HBS1L: variants seen among roughly 807,000 people sequenced by gnomAD.
The protein encoded by HBS1L is HBS1-like protein.
HBS1L carries 55 observed loss-of-function variants against 88.9 expected under a neutral mutation model. The observed-to-expected ratio is 0.62, with a 90% CI of 0.50 to 0.77. The LOEUF (loss-of-function observed/expected upper bound fraction) is 0.77, where lower values mean the gene tolerates loss of function less well. HBS1L is among the 30% of genes least tolerant of loss of function. The probability of loss-of-function intolerance (pLI) is 0.00; values close to 1 mark genes in which losing one functional copy is unlikely to be tolerated. For synonymous variants in HBS1L, 267 were observed against 288.5 expected, an observed-to-expected ratio of 0.93 and a Z score of 0.76; for missense variants, 741 against 829.3, an observed-to-expected ratio of 0.89 and a Z score of 1.31.
chr6:135,022,035 C>A (rs1776085816), intron 4 of HBS1L, among the ~76,000 whole-genome samples: 1 of 152,112 alleles, frequency 6.6e-6, no homozygotes, highest in Admixed American at 6.5e-5. Flanking sequence ...GACCTAGCCC[C>A]TTACGAGCTA....
chr6:135,037,785 T>C (rs1776604879), intron 4 of HBS1L: 3 of 1,549,108 alleles, frequency 1.9e-6, no homozygotes, highest in Non-Finnish European at 2.6e-6. Flanking sequence ...TTAGGTTAGC[T>C]AGTGAAAGTT....
chr6:135,043,178 C>T (rs1367271643), intron 2 of HBS1L, among the ~76,000 whole-genome samples: 2 of 152,232 alleles, frequency 1.3e-5, no homozygotes, highest in Admixed American at 6.5e-5. Flanking sequence ...AGTACTAATG[C>T]TTCCAGCTCT....
At chr6:134,998,676 A>G (rs1179785159) in intron 5 of HBS1L, among the ~76,000 whole-genome samples, 2 of 152,232 alleles carry the variant, frequency 1.3e-5, no homozygotes, top group Non-Finnish European at 2.9e-5. Flanking sequence ...CTTGCCTATT[A>G]TAACAAAAAA....
At chr6:135,028,522 CTG>C (rs1776299560) in intron 4 of HBS1L, among the ~76,000 whole-genome samples, 1 of 152,128 alleles carries the variant, frequency 6.6e-6, no homozygotes, top group East Asian at 1.9e-4. Flanking sequence ...TTCAATGCTA[CTG>C]AATTATTTGA....
intron 14 of HBS1L, 74 bp downstream of exon 14, chr6:134,979,104 T>C (rs943756257): frequency 9.8e-7 from 1 of 1,021,200 alleles, no homozygotes; most frequent in African/African-American, 1.6e-5. Context: ...AACTAGCAGG[T>C]TGCAAAATAT....
intron 13 of HBS1L, among the ~76,000 whole-genome samples, chr6:134,980,030 G>A (rs1774781973): frequency 6.6e-6 from 1 of 151,890 alleles, no homozygotes; most frequent in African/African-American, 2.4e-5. Flanking sequence ...TTACTCAAAG[G>A]CTTTTAAAAT....
chr6:135,052,674 T>C (rs1777125357), intron 1 of HBS1L, among the ~76,000 whole-genome samples: 1 of 152,066 alleles, frequency 6.6e-6, no homozygotes, highest in Admixed American at 6.5e-5. Context: ...CATATAAAGA[T>C]GAAGAGAATT....
intron 4 of HBS1L, among the ~76,000 whole-genome samples, chr6:135,008,173 A>C (rs189176326): frequency 1.3e-5 from 2 of 152,346 alleles, no homozygotes; most frequent in Admixed American, 1.3e-4. Context: ...CAAAAGATAC[A>C]TATTCTGAAA....
intron 7 of HBS1L, among the ~76,000 whole-genome samples, chr6:134,994,726 C>A (rs1323276111): frequency 6.6e-6 from 1 of 152,068 alleles, no homozygotes; most frequent in Non-Finnish European, 1.5e-5. Context: ...CATGTCAGCA[C>A]TCAAAAAGTT....
intron 4 of HBS1L, among the ~76,000 whole-genome samples, chr6:135,007,336 C>T (rs967455295): frequency 6.6e-6 from 1 of 151,954 alleles, no homozygotes; most frequent in Non-Finnish European, 1.5e-5. Context: ...AGTCAGGTAC[C>T]CCTTTTAAAA....
At position 135,039,560 on chromosome 6, in the gene HBS1L, A is replaced by G; in HGVS notation, c.430+13T>C. The G allele has an allele frequency of 3.1e-6, 5 of 1,608,262 alleles. No individual in the cohort carries two copies. The highest frequency in any genetic ancestry group is 4.3e-6 in the Non-Finnish European group (5 of 1,176,266). ...TATGTAAAACAAGTGAAAAAGAACA[A>G]GTAAAGGCATACCTTTTGCTATCTT... On this transcript the variant is annotated intron_variant, in intron 4 of 17. Transcript: ENST00000367837.
chr6:135,005,556 G>A (rs2114823104), intron 4 of HBS1L, among the ~76,000 whole-genome samples: 1 of 152,306 alleles, frequency 6.6e-6, no homozygotes, highest in South Asian at 2.1e-4. Context: ...TCATTTGTAT[G>A]AAAATGATTC....
chr6:135,021,282 TC>T (rs1420124969), intron 4 of HBS1L, among the ~76,000 whole-genome samples: 1 of 152,122 alleles, frequency 6.6e-6, no homozygotes, highest in Non-Finnish European at 1.5e-5. Flanking sequence ...AATTCTAGAT[TC>T]CATAGGATTA....
At chr6:135,003,980 T>C (rs569907465) in intron 4 of HBS1L, among the ~76,000 whole-genome samples, 7 of 152,304 alleles carry the variant, frequency 4.6e-5, no homozygotes, top group South Asian at 2.1e-4. Context: ...ACATAATTCA[T>C]TGAACTTTTA....
At chr6:134,966,004 T>C (rs930109421) in intron 17 of HBS1L, among the ~76,000 whole-genome samples, 2 of 152,146 alleles carry the variant, frequency 1.3e-5, no homozygotes, top group African/African-American at 2.4e-5. Context: ...ATTATGATAG[T>C]GTAGAAGAAA....
At chr6:134,991,592 G>C (rs1338292990) in intron 8 of HBS1L, among the ~76,000 whole-genome samples, 1 of 152,012 alleles carries the variant, frequency 6.6e-6, no homozygotes, top group African/African-American at 2.4e-5. Context: ...TCCACATTAG[G>C]TACTCAATTA....
chr6:135,014,541 A>T (rs571355264), intron 4 of HBS1L, among the ~76,000 whole-genome samples: 21 of 152,338 alleles, frequency 1.4e-4, no homozygotes, highest in African/African-American at 5.1e-4. Context: ...CTGCAGCTGA[A>T]CAAGTACTAT....
At chr6:134,997,821 A>G (rs1363873459) in intron 5 of HBS1L, among the ~76,000 whole-genome samples, 165 bp from the exon 6 acceptor site, 1 of 152,174 alleles carries the variant, frequency 6.6e-6, no homozygotes, top group Non-Finnish European at 1.5e-5. Context: ...ATAAGTAGCT[A>G]GACTCAAACC....
At chr6:135,024,942 T>C (rs1776184164) in intron 4 of HBS1L, among the ~76,000 whole-genome samples, 1 of 152,182 alleles carries the variant, frequency 6.6e-6, no homozygotes. Flanking sequence ...GTTGACATGA[T>C]ACTGGAACCA....
Sources: allele counts gnomAD v4.1 joint callset (sites outside exome capture counted in the v4.1 genomes callset), GRCh38; gene constraint gnomAD v4.1.1; transcripts MANE v1.5; gene names NCBI Gene and HGNC (gene_info 2026-07-23, HGNC 2026-07-21).